CSNK2A2: variants seen among roughly 807,000 people sequenced by gnomAD.
CSNK2A2 encodes the protein casein kinase 2 alpha 2.
CSNK2A2 carries 8 observed loss-of-function variants against 54.0 expected under a neutral mutation model. The ratio of observed to expected loss-of-function variants is 0.15; its 90% confidence interval spans 0.09 to 0.27. The LOEUF is 0.27. Ranked by LOEUF, CSNK2A2 falls within the 10% of genes least tolerant of loss-of-function variation. The pLI, the probability that CSNK2A2 is intolerant of heterozygous loss-of-function variation, is 1.00. For synonymous variants in CSNK2A2, 141 were observed against 153.9 expected (o/e 0.92, Z 0.62); for missense variants, 242 against 439.4 (o/e 0.55, Z 4.02).
rs771517348 is a variant in CSNK2A2 at position 58,196,759 on chromosome 16, CATT to C, written c.187_189del (p.Asn63del). The C allele has an allele frequency of 3.7e-6, 6 of 1,613,662 alleles. No homozygotes were observed. The East Asian group carries it at 1.3e-4, about 36-fold the overall frequency. ...TTCAGGATTTTTACAACCACTCTCTCATTGTTGGTGATATTAATGGCCTCAAAT... is the reference window on the plus strand; with the variant it reads ...TTCAGGATTTTTACAACCACTCTCTCGTTGGTGATATTAATGGCCTCAAAT... On this transcript the variant is annotated inframe_deletion, in exon 2 of 12. Coordinates refer to ENST00000262506, the MANE Select transcript of CSNK2A2 (RefSeq NM_001896.4).
At chr16:58,161,558 C>CACAG (rs896716996) in intron 11 of CSNK2A2, 1 of 131,162 alleles carries the variant, frequency 7.6e-6, no homozygotes, top group African/African-American at 4.2e-5. Context: ...CAGACACACA[C>CACAG]ACAGACACAC....
chr16:58,182,509 T>G (rs1173010362), intron 4 of CSNK2A2, among the ~76,000 whole-genome samples: 6 of 144,768 alleles, frequency 4.1e-5, no homozygotes, highest in African/African-American at 7.8e-5. Flanking sequence ...GAGCCGAGAT[T>G]GCGCTATTGC....
At position 58,171,428 on chromosome 16, in the gene CSNK2A2, C is replaced by T. The variant is rs1484194359; in HGVS notation, c.430-2735G>A. 3.3e-5 allele frequency among the ~76,000 whole-genome samples: 5 copies of T among 151,982 alleles called. No individual in the cohort carries two copies. In the South Asian group the frequency reaches 6.3e-4, roughly 19 times the overall value. ...ATCCCAACTACTCAGGAGGCCGAGG[C>T]GGGAGAACTGCTTGAACCCGGGAGG... On this transcript the variant is annotated intron_variant, in intron 5 of 11. Coordinates refer to ENST00000262506, the MANE Select transcript of CSNK2A2 (RefSeq NM_001896.4).
In CSNK2A2 at chr16:58,180,869, AC is replaced by A. The variant is rs1195898224; in HGVS notation, c.369+3390del. ...ACACTAAAATTAAAAAGACAAAAAA[AC>A]AAACTTTCCTAATAAGATGGACACA... On this transcript the variant is annotated intron_variant, in intron 4 of 11. Coordinates refer to ENST00000262506, the MANE Select transcript of CSNK2A2 (RefSeq NM_001896.4). 2.0e-5 allele frequency among the ~76,000 whole-genome samples: 3 copies of A among 152,198 alleles called. No individual in the cohort carries two copies. The East Asian group carries it at 5.8e-4, about 29-fold the overall frequency.
intron 2 of CSNK2A2, among the ~76,000 whole-genome samples, chr16:58,189,693 A>G (rs532516170): frequency 6.6e-6 from 1 of 152,336 alleles, no homozygotes; most frequent in East Asian, 1.9e-4. Flanking sequence ...GCAACTCTGA[A>G]GGTGGCACAA....
rs1961591158 is a variant in CSNK2A2, at chr16:58,167,200, T to C, written c.726+7A>G. 1 of 1,599,120 alleles carries C rather than the reference T, an allele frequency of 6.3e-7. No homozygotes were observed. Among genetic ancestry groups the C allele is most frequent in the Non-Finnish European group, 8.5e-7 (1 of 1,173,034 alleles). On this transcript the variant is annotated splice_region_variant and intron_variant, in intron 8 of 11. Coordinates refer to ENST00000262506, the MANE Select transcript of CSNK2A2 (RefSeq NM_001896.4). The stretch of plus-strand genomic sequence containing the variant: ...AAATAAATAAGAACCAGAAAGCATT[T>C]GCTCACCTGGTCATAGTTGTCCTGT...
chr16:58,183,558 G>A (rs1962119273), intron 4 of CSNK2A2, among the ~76,000 whole-genome samples: 1 of 151,956 alleles, frequency 6.6e-6, no homozygotes, highest in Admixed American at 6.6e-5. Flanking sequence ...AAGTGCCCCT[G>A]AAAATCAACA....
In CSNK2A2 at chr16:58,198,091, A is replaced by G. The variant is rs1962526042; in HGVS notation, c.-355T>C. Among the ~76,000 whole-genome samples, 1 of 145,992 alleles carries G rather than the reference A, an allele frequency of 6.8e-6. No homozygotes were observed. The highest frequency in any genetic ancestry group is 1.5e-5 in the Non-Finnish European group (1 of 65,634). On this transcript the variant is annotated 5_prime_UTR_variant, in exon 1 of 12. Transcript: ENST00000262506. ...AAAGGGGCAGCGGCGGCGGCAGCGG[A>G]GAAGAAGGAGGAGAGGAGGAGGAGG...
At chr16:58,184,482 G>A (rs1962140926) in intron 3 of CSNK2A2, among the ~76,000 whole-genome samples, 172 bp from the exon 4 acceptor site, 1 of 152,190 alleles carries the variant, frequency 6.6e-6, no homozygotes, top group African/African-American at 2.4e-5. Context: ...TCTGGAATTT[G>A]CTTCAAAATA....
At chr16:58,185,522 A>ATG (rs1962169534) in intron 3 of CSNK2A2, among the ~76,000 whole-genome samples, 1 of 152,236 alleles carries the variant, frequency 6.6e-6, no homozygotes, top group African/African-American at 2.4e-5. Flanking sequence ...CTGGTATACC[A>ATG]CATACTGACT....
chr16:58,169,258 G>A (rs1463048201), intron 5 of CSNK2A2, among the ~76,000 whole-genome samples: 1 of 152,038 alleles, frequency 6.6e-6, no homozygotes, highest in Non-Finnish European at 1.5e-5. Context: ...GGGGTGATGA[G>A]GCCAGGCACA....
At position 58,167,868 on chromosome 16, in the gene CSNK2A2, C is replaced by A. The variant is rs1254467207; in HGVS notation, c.514-73G>T. The A allele has an allele frequency of 2.2e-5, 24 of 1,099,972 alleles. No individual in the cohort carries two copies. The East Asian group carries it at 5.7e-4, about 26-fold the overall frequency. 68.1% of individuals were successfully genotyped at this position (1,099,972 alleles called of 1,614,324 possible). On this transcript the variant is annotated intron_variant, in intron 6 of 11. Coordinates refer to ENST00000262506, the MANE Select transcript of CSNK2A2 (RefSeq NM_001896.4). ...CCTATGCCTTAGAACAAGGCCACAT[C>A]ACATTAGGTAACAATCATTTGGCCA...
chr16:58,191,079 A>G (rs1432094754), intron 2 of CSNK2A2, among the ~76,000 whole-genome samples: 3 of 152,272 alleles, frequency 2.0e-5, no homozygotes, highest in Admixed American at 6.5e-5. Flanking sequence ...CAACAGTGAT[A>G]AACTTGGAGG....
Position 58,166,560 on chromosome 16 carries a change from ACTCTCT to A in CSNK2A2, c.827+18_827+23del, listed in dbSNP as rs112507755. The A allele has an allele frequency of 1.4e-6, 2 of 1,397,448 alleles. No homozygotes were observed. The highest frequency in any genetic ancestry group is 1.4e-5 in the African/African-American group (1 of 70,380). The allele number at this position is 1,397,448 out of a possible 1,614,324, so 86.6% of individuals were successfully genotyped here. ...CTTCTGAAACGGGGTAAGGTAAAGC[ACTCTCT>A]CTCTCTCTCTTACTTACTGTCCCAG... is the stretch of plus-strand genomic sequence containing the variant. On this transcript the variant is annotated intron_variant, in intron 9 of 11. Transcript: ENST00000262506.
chr16:58,159,761 G>A (rs1464111369), intron 11 of CSNK2A2: 1 of 152,202 alleles, frequency 6.6e-6, no homozygotes, highest in Non-Finnish European at 1.5e-5. Context: ...TCTGCAAACA[G>A]AAGGAAACAG....
At chr16:58,169,960 TGCCTGAACCTGAGAG>T (rs2142416681) in intron 5 of CSNK2A2, among the ~76,000 whole-genome samples, 1 of 151,966 alleles carries the variant, frequency 6.6e-6, no homozygotes, top group South Asian at 2.1e-4. Flanking sequence ...GCACGAGAAT[TGCCTGAACCTGAGAG>T]GCGGAGGTTG....
intron 4 of CSNK2A2, among the ~76,000 whole-genome samples, chr16:58,183,917 C>T (rs1425027167): frequency 6.6e-6 from 1 of 152,162 alleles, no homozygotes; most frequent in Non-Finnish European, 1.5e-5. Context: ...ATCGGTCTAT[C>T]CCTTCCTCTC....
intron 4 of CSNK2A2, among the ~76,000 whole-genome samples, chr16:58,175,276 A>C (rs901933166): frequency 4.6e-5 from 7 of 152,256 alleles, no homozygotes; most frequent in Admixed American, 3.3e-4. Context: ...TACAAGCTTC[A>C]TTAAAGGCAT....
chr16:58,172,067 C>T (rs1284474883), intron 5 of CSNK2A2, among the ~76,000 whole-genome samples: 1 of 146,910 alleles, frequency 6.8e-6, no homozygotes, highest in Non-Finnish European at 1.5e-5. Flanking sequence ...AGCAATCAAC[C>T]TGCCTTGGCC....
Sources: gnomAD v4.1 joint callset for allele counts (sites outside exome capture counted in the v4.1 genomes callset) on GRCh38, gnomAD v4.1.1 for gene constraint, MANE v1.5 for transcripts, NCBI Gene and HGNC (gene_info 2026-07-23, HGNC 2026-07-21) for gene names.